MICAL3: variants seen among roughly 807,000 people sequenced by gnomAD.
MICAL3 encodes [F-actin]-monooxygenase MICAL3.
MICAL3 carries 62 observed loss-of-function variants against 207.4 expected under a neutral mutation model. The ratio of observed to expected loss-of-function variants is 0.30; its 90% CI spans 0.24 to 0.37. The LOEUF (loss-of-function observed/expected upper bound fraction) is 0.37. Among genes scored for constraint, MICAL3 ranks in the 10% least tolerant of loss-of-function variants. The probability of loss-of-function intolerance (pLI) is 1.00; values close to 1 mark genes in which losing one functional copy is unlikely to be tolerated. For missense variants in MICAL3, 2,368 were observed against 2,635.6 expected (o/e 0.90, Z 2.22); for synonymous variants, 1,077 against 1,069.3 (o/e 1.01, Z -0.14).
intron 24 of MICAL3, 84 bp from the exon 25 acceptor site, chr22:17,821,593 T>C: frequency 8.7e-7 from 1 of 1,150,678 alleles, no homozygotes; most frequent in Admixed American, 2.8e-5. Context: ...CCCCAGAGGG[T>C]GGAGGGGAGG....
chr22:17,860,298 C>A (rs1419145403), intron 19 of MICAL3: 3 of 985,300 alleles, frequency 3.0e-6, no homozygotes, highest in Non-Finnish European at 3.6e-6. Flanking sequence ...AGAAACACAC[C>A]AAGAACTCAC....
Position 17,817,377 on chromosome 22 carries a change from T to C in MICAL3, c.5284A>G (p.Ser1762Gly). Residue 1762 changes from serine (S) to glycine (G), a missense_variant, in exon 26 of 32, where the codon AGC (serine) becomes GGC (glycine). Physicochemically the swap from Ser to Gly is moderately conservative, Grantham distance 56. Coordinates refer to ENST00000441493, the MANE Select transcript of MICAL3 (RefSeq NM_015241.3). ...ACCGTGGCCCCGCTGGAGGGGGTGC[T>C]GGGGCAGGACTTGTCGTCGGCCTTC... ...KKKADDKSCP[S>G]TPSSGATVDS... 1 of 1,612,602 alleles carries C rather than the reference T, an allele frequency of 6.2e-7. No individual in the cohort carries two copies. Among genetic ancestry groups the C allele is most frequent in the Non-Finnish European group, 8.5e-7 (1 of 1,179,660 alleles).
chr22:18,023,443 A>G (rs773605725), intron 1 of MICAL3, among the ~76,000 whole-genome samples: 1 of 151,642 alleles, frequency 6.6e-6, no homozygotes, highest in Non-Finnish European at 1.5e-5. Context: ...TTTCTTTACA[A>G]TGAAAATTCT....
At chr22:17,881,349 TGGCC>T in intron 16 of MICAL3, 1 of 1,490,144 alleles carries the variant, frequency 6.7e-7, no homozygotes, top group Non-Finnish European at 9.2e-7. Context: ...ATTCAAACAG[TGGCC>T]ATGTGGAAGC....
intron 1 of MICAL3, among the ~76,000 whole-genome samples, chr22:17,924,001 AAGG>A (rs1191526005): frequency 5.9e-5 from 9 of 152,206 alleles, no homozygotes; most frequent in African/African-American, 2.2e-4. Flanking sequence ...TGGCAGCAAC[AAGG>A]AGAAGTGCAG....
chr22:17,905,438 T>C (rs372531643), intron 2 of MICAL3, among the ~76,000 whole-genome samples: 1 of 152,212 alleles, frequency 6.6e-6, no homozygotes, highest in Non-Finnish European at 1.5e-5. Context: ...AGCAGGAGAC[T>C]GGACACATAT....
intron 1 of MICAL3, among the ~76,000 whole-genome samples, chr22:18,017,884 G>A (rs899105151): frequency 6.6e-6 from 1 of 151,958 alleles, no homozygotes; most frequent in Non-Finnish European, 1.5e-5. Context: ...CCGAGTAGCT[G>A]GTACTACAGG....
chr22:17,877,322 T>TAGGGAGGTGAGGGAGGTTATGGAGGTG (rs1928784600), intron 16 of MICAL3, among the ~76,000 whole-genome samples: 1 of 65,108 alleles, frequency 1.5e-5, no homozygotes, highest in Non-Finnish European at 3.0e-5. Context: ...TTAGGGAGGT[T>TAGGGAGGTGAGGGAGGTTATGGAGGTG]AGGGAGGTTA....
chr22:17,818,815 G>A lies in MICAL3; in HGVS notation c.3846C>T (p.Phe1282=). 1 of 1,563,286 alleles carries A rather than the reference G, an allele frequency of 6.4e-7. No individual in the cohort carries two copies. The highest frequency in any genetic ancestry group is 1.8e-5 in the Admixed American group (1 of 56,772). Residue 1282 remains phenylalanine, a synonymous_variant, in exon 26 of 32, where the codon TTC becomes TTT. Transcript: ENST00000441493. ...VPSPTQSPIR[F]QPAPAKTSTP... is the part of the protein sequence containing the mutation. ...TGGATGTTTTGGCCGGGGCAGGCTG[G>A]AAGCGTATGGGGGACTGGGTAGGGG...
In MICAL3 at chr22:17,796,287, C is replaced by T. The variant is rs764728320; in HGVS notation, c.5651-4986G>A. The stretch of plus-strand genomic sequence containing the variant: ...CCAGGGGTGGCTCTTTAGTGCCACT[C>T]GCTTGACACCTGGCGGGCAGGCAGT... On this transcript the variant is annotated intron_variant, in intron 29 of 31. Transcript: ENST00000441493. The surrounding 1 kb of genome is among the most constrained non-coding windows in gnomAD (Gnocchi z 4.4). Among the ~76,000 whole-genome samples, 11 of 152,338 alleles carry T rather than the reference C, an allele frequency of 7.2e-5. No homozygotes were observed. The highest frequency in any genetic ancestry group is 2.1e-4 in the South Asian group (1 of 4,822).
intron 20 of MICAL3, among the ~76,000 whole-genome samples, chr22:17,837,841 A>G (rs1923565420): frequency 6.6e-6 from 1 of 152,230 alleles, no homozygotes; most frequent in Admixed American, 6.5e-5. Context: ...GGGTGCGCCT[A>G]GAAGTTACAT....
Position 17,817,321 on chromosome 22 carries a change from G to T in MICAL3, c.5340C>A (p.Val1780=). 6.3e-7 allele frequency: 1 copy of T among 1,598,678 alleles called. No individual in the cohort carries two copies. The highest frequency in any genetic ancestry group is 8.5e-7 in the Non-Finnish European group (1 of 1,172,910). The change falls in exon 26 of 32, where the codon GTC becomes GTA. Residue 1780 remains valine (V), a synonymous_variant. Coordinates refer to ENST00000441493, the MANE Select transcript of MICAL3 (RefSeq NM_015241.3). ...CGGCTGCTGACGCACCTGCCCTTAC[G>T]ACGGGAAGCACCCTGTGCTTTCCAG... ...VDSGKHRVLP[V]VRAELQLRRQ...
At chr22:17,882,185 A>G (rs984326741) in intron 16 of MICAL3, among the ~76,000 whole-genome samples, 1 of 152,240 alleles carries the variant, frequency 6.6e-6, no homozygotes, top group African/African-American at 2.4e-5. Flanking sequence ...TTCTGAGATC[A>G]AAAGGCAAAA....
chr22:17,862,799 G>A (rs1926662568), intron 19 of MICAL3: 1 of 985,384 alleles, frequency 1.0e-6, no homozygotes. Flanking sequence ...TGGACTCTGA[G>A]CTGCCGGAGG....
chr22:17,877,144 TGGAGGTTAG>T (rs1569109888), intron 16 of MICAL3, among the ~76,000 whole-genome samples: 12 of 17,556 alleles, frequency 6.8e-4, no homozygotes, highest in South Asian at 1.5e-3. Context: ...AGGGAGGTTA[TGGAGGTTAG>T]GGAGGTTATG....
intron 16 of MICAL3, chr22:17,876,973 TGGAGGTTAGGGAGGTTAGGGAGGTGAG>T (rs1928586939): frequency 4.1e-5 from 2 of 48,934 alleles, no homozygotes; most frequent in Non-Finnish European, 7.4e-5. Context: ...AGGGAGGTTA[TGGAGGTTAGGGAGGTTAGGGAGGTGAG>T]GGAGGTTATG....
intron 19 of MICAL3, among the ~76,000 whole-genome samples, chr22:17,847,566 G>A (rs1924766240): frequency 6.6e-6 from 1 of 152,100 alleles, no homozygotes; most frequent in Non-Finnish European, 1.5e-5. Context: ...GCCTATGGGT[G>A]TCACCCATCT....
intron 1 of MICAL3, among the ~76,000 whole-genome samples, chr22:17,938,576 T>C (rs1367020877): frequency 6.6e-6 from 1 of 152,208 alleles, no homozygotes; most frequent in Non-Finnish European, 1.5e-5. Context: ...ACCACTGTGC[T>C]GCACTTTGAT....
chr22:17,988,556 G>A (rs550464664), intron 1 of MICAL3, among the ~76,000 whole-genome samples: 2 of 152,356 alleles, frequency 1.3e-5, no homozygotes, highest in South Asian at 4.1e-4. Flanking sequence ...CCGAGTTCAA[G>A]TGGTTCTCCT....
Sources: gnomAD v4.1 joint callset for allele counts (sites outside exome capture counted in the v4.1 genomes callset) on GRCh38, gnomAD v4.1.1 for gene constraint, Gnocchi (gnomAD v3.1) non-coding constraint, MANE v1.5 for transcripts, NCBI Gene and HGNC (gene_info 2026-07-23, HGNC 2026-07-21) for gene names.